Variants in FOXN3 observed in about 807,000 individuals in gnomAD.
The protein encoded by FOXN3 is forkhead box N3, also known as forkhead box protein N3.
A neutral mutation model predicts 38.4 loss-of-function variants in FOXN3; 7 were observed. That is an observed-to-expected ratio of 0.18 (90% CI 0.10 to 0.34). The LOEUF (loss-of-function observed/expected upper bound fraction) is 0.34. FOXN3 is among the 10% of genes least tolerant of loss of function. The pLI is 1.00. For synonymous variants in FOXN3, 230 were observed against 242.2 expected (o/e 0.95, Z 0.47); for missense variants, 456 against 613.4 (o/e 0.74, Z 2.71).
chr14:89,523,855 CG>C (rs975600132), intron 1 of FOXN3, among the ~76,000 whole-genome samples: 2 of 151,834 alleles, frequency 1.3e-5, no homozygotes, highest in African/African-American at 2.4e-5. Context: ...CTCTACCTCC[CG>C]GGTTCAAGCA....
At position 89,162,266 on chromosome 14, in the gene FOXN3, CAAAAT is replaced by C. The variant is rs1378856823; in HGVS notation, c.*143_*147del. ...ACAAAGAAGAGGGGGCAAATTAAAACAAAATAAAAGGAAAAGAAAAGAAAGAAAAC... is the reference window on the plus strand; with the variant it reads ...ACAAAGAAGAGGGGGCAAATTAAAACAAAAGGAAAAGAAAAGAAAGAAAAC... On this transcript the variant is annotated 3_prime_UTR_variant, in exon 6 of 6. Transcript: ENST00000557258. This position sits in a 1 kb window ranked among gnomAD's most constrained non-coding sequence, Gnocchi z 7.2. The C allele has an allele frequency of 4.4e-6, 3 of 676,464 alleles. No individual in the cohort carries two copies. Among genetic ancestry groups the C allele is most frequent in the South Asian group, 5.2e-5 (2 of 38,566 alleles). 41.9% of individuals were successfully genotyped at this position (676,464 alleles called of 1,614,324 possible). A position where few individuals can be genotyped will look rare whatever the true frequency, so the allele number is the denominator to read the frequency against.
chr14:89,396,270 C>A (rs956497416), intron 2 of FOXN3, among the ~76,000 whole-genome samples: 4 of 152,090 alleles, frequency 2.6e-5, no homozygotes, highest in Non-Finnish European at 5.9e-5. Context: ...TAAATAACAC[C>A]AGTTTATGTC....
At chr14:89,511,601 G>A (rs1452686697) in intron 1 of FOXN3, among the ~76,000 whole-genome samples, 3 of 152,032 alleles carry the variant, frequency 2.0e-5, no homozygotes, top group Admixed American at 1.3e-4. Flanking sequence ...AACTTGCCCT[G>A]AAGCCTTGAG....
At chr14:89,471,362 G>C (rs1443165213) in intron 1 of FOXN3, among the ~76,000 whole-genome samples, 2 of 152,176 alleles carry the variant, frequency 1.3e-5, no homozygotes, top group Non-Finnish European at 2.9e-5. Flanking sequence ...AGCACTTTGG[G>C]AGGCCAAGGT....
Position 89,321,149 on chromosome 14 carries a change from G to A in FOXN3, c.680+29523C>T, listed in dbSNP as rs142530840. ...CTAAAAAACACAAGAAAATTAGCTGGGCATGGTGGTGTGCACCTGTAATCC... is the reference window on the plus strand; with the variant it reads ...CTAAAAAACACAAGAAAATTAGCTGAGCATGGTGGTGTGCACCTGTAATCC... On this transcript the variant is annotated intron_variant, in intron 3 of 5. Transcript: ENST00000557258. Among the ~76,000 whole-genome samples the A allele has an allele frequency of 9.2e-3, 1,401 of 152,088 alleles. 20 individuals carry two copies. The highest frequency in any genetic ancestry group is 0.032 in the African/African-American group (1,344 of 41,466).
chr14:89,184,964 C>T (rs1271486446), intron 4 of FOXN3, among the ~76,000 whole-genome samples: 2 of 152,202 alleles, frequency 1.3e-5, no homozygotes, highest in Non-Finnish European at 2.9e-5. Flanking sequence ...ATTAAAACAT[C>T]TTCCTGATTA....
chr14:89,598,627 A>G (rs1392987849), intron 1 of FOXN3, among the ~76,000 whole-genome samples: 1 of 152,144 alleles, frequency 6.6e-6, no homozygotes, highest in East Asian at 1.9e-4. Flanking sequence ...TTCATTTTTG[A>G]AAAATCTGGT....
chr14:89,482,919 A>AAC (rs370699692), intron 1 of FOXN3, among the ~76,000 whole-genome samples: 3 of 144,422 alleles, frequency 2.1e-5, no homozygotes, highest in Non-Finnish European at 3.0e-5. Flanking sequence ...GAAAAAAAAA[A>AAC]AGAATGGAGC....
chr14:89,589,947 G>A (rs370812029), intron 1 of FOXN3, among the ~76,000 whole-genome samples: 1 of 152,090 alleles, frequency 6.6e-6, no homozygotes, highest in South Asian at 2.1e-4. Context: ...GAACAGTTTG[G>A]AAACAAGGCA....
intron 1 of FOXN3, among the ~76,000 whole-genome samples, chr14:89,485,118 C>T (rs1893419319): frequency 6.7e-6 from 1 of 149,994 alleles, no homozygotes; most frequent in South Asian, 2.1e-4. Flanking sequence ...CGCCACTGCA[C>T]TCCAGCCTAG....
chr14:89,175,922 G>C (rs1386415315), intron 5 of FOXN3, among the ~76,000 whole-genome samples: 2 of 152,152 alleles, frequency 1.3e-5, no homozygotes, highest in African/African-American at 4.8e-5. Context: ...AGAAACCTGG[G>C]ACTCCTCCTT....
chr14:89,515,214 C>T (rs1319751726), intron 1 of FOXN3, among the ~76,000 whole-genome samples: 1 of 151,986 alleles, frequency 6.6e-6, no homozygotes, highest in Non-Finnish European at 1.5e-5. Flanking sequence ...TGAGCCACCA[C>T]GCCCGGCCAA....
intron 1 of FOXN3, among the ~76,000 whole-genome samples, chr14:89,458,175 G>A (rs1268484359): frequency 6.6e-6 from 1 of 152,088 alleles, no homozygotes; most frequent in Non-Finnish European, 1.5e-5. Context: ...GGGAAGAGTG[G>A]CTCCCAGCAC....
At chr14:89,236,885 T>C (rs1300883668) in intron 4 of FOXN3, among the ~76,000 whole-genome samples, 1 of 152,172 alleles carries the variant, frequency 6.6e-6, no homozygotes, top group Admixed American at 6.5e-5. Flanking sequence ...CCTGGAGAAA[T>C]TCCAGCCACA....
At chr14:89,574,515 C>T (rs538395203) in intron 1 of FOXN3, among the ~76,000 whole-genome samples, 2 of 152,116 alleles carry the variant, frequency 1.3e-5, no homozygotes, top group Non-Finnish European at 2.9e-5. Flanking sequence ...GAGGAGACCA[C>T]TGAACTGAGT....
chr14:89,445,611 T>G (rs1395491515), intron 1 of FOXN3, among the ~76,000 whole-genome samples: 1 of 152,200 alleles, frequency 6.6e-6, no homozygotes, highest in African/African-American at 2.4e-5. Flanking sequence ...GCTGCTGTCC[T>G]GCCTCCTGGG....
intron 4 of FOXN3, among the ~76,000 whole-genome samples, chr14:89,223,930 C>G (rs979786712): frequency 2.0e-5 from 3 of 152,198 alleles, no homozygotes. Flanking sequence ...ATCAATTGTT[C>G]TAACTATTTG....
intron 1 of FOXN3, among the ~76,000 whole-genome samples, chr14:89,600,436 C>A (rs943538873): frequency 2.0e-5 from 3 of 152,146 alleles, no homozygotes; most frequent in African/African-American, 7.2e-5. Flanking sequence ...ATGGAAATTC[C>A]ACTGTTGTTT....
intron 3 of FOXN3, among the ~76,000 whole-genome samples, chr14:89,315,136 C>T (rs912024576): frequency 1.3e-5 from 2 of 151,972 alleles, no homozygotes; most frequent in Admixed American, 1.3e-4. Flanking sequence ...ATAAATGTGT[C>T]TTTGATGCCC....
Sources: gnomAD v4.1 joint callset for allele counts (sites outside exome capture counted in the v4.1 genomes callset) on GRCh38, gnomAD v4.1.1 for gene constraint, Gnocchi (gnomAD v3.1) non-coding constraint, MANE v1.5 for transcripts, NCBI Gene and HGNC (gene_info 2026-07-23, HGNC 2026-07-21) for gene names.